The following FGFR2 variants were observed in gnomAD, a reference collection of about 807,000 sequenced individuals.
FGFR2 encodes BEK fibroblast growth factor receptor.
In FGFR2, 19 loss-of-function variants were observed where a neutral mutation model predicts 95.9. The ratio of observed to expected loss-of-function variants is 0.20; its 90% CI spans 0.14 to 0.29. The LOEUF is 0.29. Ranked by LOEUF, FGFR2 falls within the 10% of genes least tolerant of loss-of-function variation. The probability of loss-of-function intolerance (pLI) is 1.00; values close to 1 mark genes in which losing one functional copy is unlikely to be tolerated. For missense variants in FGFR2, 707 were observed against 1,056.9 expected (o/e 0.67, Z 4.59); for synonymous variants, 392 against 393.3 (o/e 1.00, Z 0.04).
chr10:121,509,884 G>A (rs578225205), intron 9 of FGFR2, among the ~76,000 whole-genome samples: 16 of 152,070 alleles, frequency 1.1e-4, no homozygotes, highest in South Asian at 6.3e-4. Flanking sequence ...GAGAAGAGAC[G>A]AATTAATATT....
chr10:121,553,738 T>G (rs1164158625), intron 4 of FGFR2, among the ~76,000 whole-genome samples: 1 of 152,234 alleles, frequency 6.6e-6, no homozygotes, highest in African/African-American at 2.4e-5. Flanking sequence ...GGAATGTCTT[T>G]TCTTTTTTAC....
intron 2 of FGFR2, among the ~76,000 whole-genome samples, chr10:121,586,242 T>C (rs557231303): frequency 6.3e-4 from 96 of 152,226 alleles, no homozygotes; most frequent in Non-Finnish European, 1.1e-3. Flanking sequence ...AGCTCAGAAT[T>C]GAGTCCTCTC....
chr10:121,571,639 C>T (rs962462461), intron 2 of FGFR2, among the ~76,000 whole-genome samples: 4 of 137,930 alleles, frequency 2.9e-5, no homozygotes, highest in Admixed American at 1.4e-4. Flanking sequence ...AACAAACAAA[C>T]AAACAAACAA....
intron 16 of FGFR2, among the ~76,000 whole-genome samples, chr10:121,484,901 C>T (rs140793494): frequency 2.0e-5 from 3 of 152,088 alleles, no homozygotes; most frequent in African/African-American, 4.8e-5. Context: ...TTCAATGGTT[C>T]GAGAAGTTCT....
At chr10:121,515,048 G>A (rs997119189) in intron 9 of FGFR2, 69 bp downstream of exon 9, 1 of 1,464,270 alleles carries the variant, frequency 6.8e-7, no homozygotes, top group African/African-American at 1.4e-5. Flanking sequence ...TCAAAGCAGA[G>A]GACAAGATCC....
intron 2 of FGFR2, among the ~76,000 whole-genome samples, chr10:121,581,578 AAAAAAAAAAAAAG>A (rs1425439024): frequency 2.0e-5 from 3 of 147,664 alleles, no homozygotes; most frequent in Non-Finnish European, 3.0e-5. Flanking sequence ...TCTCTACCAA[AAAAAAAAAAAAAG>A]AAAAAAAGAA....
intron 9 of FGFR2, among the ~76,000 whole-genome samples, chr10:121,510,372 G>A (rs1848897735): frequency 6.6e-6 from 1 of 152,194 alleles, no homozygotes; most frequent in African/African-American, 2.4e-5. Context: ...GAGGAGAAAA[G>A]GGAGCAGCGA....
intron 2 of FGFR2, among the ~76,000 whole-genome samples, chr10:121,567,432 T>C (rs1393890426): frequency 6.6e-6 from 1 of 152,230 alleles, no homozygotes; most frequent in Non-Finnish European, 1.5e-5. Flanking sequence ...GGGCAGGTTA[T>C]GTTTCTAACA....
rs376451171 is a variant in FGFR2, at chr10:121,503,847, G to A, written c.1382C>T (p.Ala461Val). 3.9e-5 allele frequency: 63 copies of A among 1,613,986 alleles called. No homozygotes were observed. The highest frequency in any genetic ancestry group is 4.8e-5 in the Non-Finnish European group (57 of 1,179,984). Residue 461 changes from alanine to valine, a missense_variant, in exon 10 of 18, where the codon GCA (alanine) becomes GTA (valine). Around this residue, in one of 7 missense-constraint regions of FGFR2, gnomAD observed 194 missense variants for 267.3 expected, o/e 0.73. Coordinates refer to ENST00000358487, the MANE Select transcript of FGFR2 (RefSeq NM_000141.5). Reference sequence around the variant, plus strand: ...TGGAAGTTCATACTCGGAGACCCCTGCCAGCATGGGGGTGTCTGCCGTTGA... The same window carrying A: ...TGGAAGTTCATACTCGGAGACCCCTACCAGCATGGGGGTGTCTGCCGTTGA... ...LSSTADTPML[A>V]GVSEYELPED...
At chr10:121,592,808 C>T (rs1219158721) in intron 2 of FGFR2, among the ~76,000 whole-genome samples, 1 of 152,172 alleles carries the variant, frequency 6.6e-6, no homozygotes. Flanking sequence ...TCTCCACAAA[C>T]AGGTTCATTA....
At position 121,483,716 on chromosome 10, in the gene FGFR2, G is replaced by A. The variant is rs753103160; in HGVS notation, c.2283C>T (p.Leu761=). The change falls in exon 17 of 18, where the codon CTC becomes CTT. Residue 761 remains leucine, a synonymous_variant. Coordinates refer to ENST00000358487, the MANE Select transcript of FGFR2 (RefSeq NM_000141.5). ...KQLVEDLDRI[L]TLTTNEEYLD... Reference sequence around the variant, plus strand: ...TTCTTACCTCATTGGTTGTGAGAGTGAGAATTCGATCCAAGTCTTCTACCA... The same window carrying A: ...TTCTTACCTCATTGGTTGTGAGAGTAAGAATTCGATCCAAGTCTTCTACCA... 2.1e-5 allele frequency: 34 copies of A among 1,613,704 alleles called. No homozygotes were observed. Among genetic ancestry groups the A allele is most frequent in the Middle Eastern group, 3.3e-4 (2 of 6,064 alleles).
Position 121,518,610 on chromosome 10 carries a change from A to C in FGFR2, c.940-1147T>G. ...CCTATAAGCTGCCTGCAGTCTCCCA[A>C]AGCACCAAGTCTTTTCAGCTTCTAT... On this transcript the variant is annotated intron_variant, in intron 7 of 17. Transcript: ENST00000358487. This position sits in a 1 kb window ranked among gnomAD's most constrained non-coding sequence, Gnocchi z 4.0. The C allele has an allele frequency of 6.3e-7, 1 of 1,586,774 alleles. No individual in the cohort carries two copies.
At chr10:121,497,448 AT>A (rs1847020993) in intron 12 of FGFR2, among the ~76,000 whole-genome samples, 5 of 152,298 alleles carry the variant, frequency 3.3e-5, no homozygotes, top group African/African-American at 1.2e-4. Flanking sequence ...TTACCCATAC[AT>A]TATCCTTTTG....
intron 6 of FGFR2, among the ~76,000 whole-genome samples, chr10:121,529,564 C>T (rs1242352734): frequency 1.3e-5 from 2 of 152,150 alleles, no homozygotes; most frequent in African/African-American, 4.8e-5. Flanking sequence ...CTCAAAAGAC[C>T]ACAATCTCCC....
chr10:121,591,434 C>T (rs2135459956), intron 2 of FGFR2, among the ~76,000 whole-genome samples: 1 of 152,344 alleles, frequency 6.6e-6, no homozygotes, highest in South Asian at 2.1e-4. Context: ...GATGCCAGCC[C>T]CTGTGCTAAT....
rs1050247770 is a variant in FGFR2, at chr10:121,589,491, G to T, written c.109+4218C>A. On this transcript the variant is annotated intron_variant, in intron 2 of 17. Coordinates refer to ENST00000358487, the MANE Select transcript of FGFR2 (RefSeq NM_000141.5). ...GTCAGAAAGACTTGAAAGGAATAAA[G>T]TCTTTACTTATGGCTTGATGCGGGG... is the stretch of plus-strand genomic sequence containing the variant. Among the ~76,000 whole-genome samples, 5 of 152,036 alleles carry T rather than the reference G, an allele frequency of 3.3e-5. No homozygotes were observed. In the East Asian group the frequency reaches 9.6e-4, roughly 29 times the overall value.
At chr10:121,490,626 C>G (rs137877554) in intron 13 of FGFR2, among the ~76,000 whole-genome samples, 1 of 152,182 alleles carries the variant, frequency 6.6e-6, no homozygotes, top group African/African-American at 2.4e-5. Flanking sequence ...ATATCACCAC[C>G]GAAGCCTTTT....
Position 121,478,452 on chromosome 10 carries a change from C to T in FGFR2, c.*1405G>A, listed in dbSNP as rs535761567. The stretch of plus-strand genomic sequence containing the variant: ...TTAAATACTTTCTCCAATTTTGTAA[C>T]ACATAAGATCAGTGTAATCTGCATT... On this transcript the variant is annotated 3_prime_UTR_variant, in exon 18 of 18. Coordinates refer to ENST00000358487, the MANE Select transcript of FGFR2 (RefSeq NM_000141.5). 2.2e-4 allele frequency: 51 copies of T among 233,450 alleles called. No homozygotes were observed. The highest frequency in any genetic ancestry group is 1.0e-3 in the African/African-American group (47 of 45,444). 14.5% of individuals were successfully genotyped at this position (233,450 alleles called of 1,614,324 possible).
intron 17 of FGFR2, among the ~76,000 whole-genome samples, chr10:121,482,847 G>T (rs1844932261): frequency 6.6e-6 from 1 of 152,196 alleles, no homozygotes; most frequent in African/African-American, 2.4e-5. Context: ...CTCCCAGACT[G>T]GAGTGCAGTG....
Sources: gnomAD v4.1 joint callset for allele counts (sites outside exome capture counted in the v4.1 genomes callset) on GRCh38, gnomAD v4.1.1 for gene constraint, gnomAD v4.1.1 regional missense constraint, Gnocchi (gnomAD v3.1) non-coding constraint, MANE v1.5 for transcripts, NCBI Gene and HGNC (gene_info 2026-07-23, HGNC 2026-07-21) for gene names.